Variants in CPEB3 observed in about 807,000 individuals in gnomAD.
CPEB3 encodes cytoplasmic polyadenylation element-binding protein 3.
A neutral mutation model predicts 67.2 loss-of-function variants in CPEB3; 20 were observed. That is an observed-to-expected ratio of 0.30 (90% CI 0.21 to 0.43). The LOEUF (loss-of-function observed/expected upper bound fraction) is 0.43. CPEB3 is among the 20% of genes least tolerant of loss of function. The pLI is 1.00. For synonymous variants in CPEB3, 376 were observed against 393.1 expected (o/e 0.96, Z 0.51); for missense variants, 746 against 968.6 (o/e 0.77, Z 3.05).
intron 6 of CPEB3, chr10:92,118,891 G>A: frequency 1.1e-6 from 1 of 888,144 alleles, no homozygotes. Flanking sequence ...CTGCTTTGAG[G>A]GCAGGGGCCT....
At position 92,231,695 on chromosome 10, in the gene CPEB3, C is replaced by A. The variant is rs775637669; in HGVS notation, c.1005+7651G>T. Among the ~76,000 whole-genome samples, 132 of 152,042 alleles carry A rather than the reference C, an allele frequency of 8.7e-4. 2 individuals are homozygous for A. Among genetic ancestry groups the A allele is most frequent in the Non-Finnish European group, 1.5e-3 (102 of 67,982 alleles). The stretch of plus-strand genomic sequence containing the variant: ...TCTAATTCTCTTTCCTCAGTAAAAC[C>A]CACACAGCTTAATCAACTTTTCTTT... On this transcript the variant is annotated intron_variant, in intron 2 of 9. Transcript: ENST00000265997.
chr10:92,283,714 TTTTC>T (rs1282854685), intron 1 of CPEB3, among the ~76,000 whole-genome samples: 15 of 145,628 alleles, frequency 1.0e-4, no homozygotes, highest in African/African-American at 2.6e-4. Flanking sequence ...TCTTTTTTCT[TTTTC>T]TTTCTTTTTT....
chr10:92,254,457 C>G (rs1447166992), intron 1 of CPEB3, among the ~76,000 whole-genome samples: 1 of 152,038 alleles, frequency 6.6e-6, no homozygotes, highest in East Asian at 1.9e-4. Flanking sequence ...GAAAAGGGAG[C>G]AAAAAGGTAG....
chr10:92,146,046 G>C (rs1314357673), intron 4 of CPEB3, among the ~76,000 whole-genome samples: 1 of 152,108 alleles, frequency 6.6e-6, no homozygotes, highest in Non-Finnish European at 1.5e-5. Context: ...GTATAAATGT[G>C]GATGTGGTTA....
chr10:92,231,806 G>A (rs1293040717), intron 2 of CPEB3, among the ~76,000 whole-genome samples: 3 of 151,342 alleles, frequency 2.0e-5, no homozygotes, highest in African/African-American at 7.3e-5. Context: ...TGCAACCTCC[G>A]CCTCCCGGGT....
intron 6 of CPEB3, among the ~76,000 whole-genome samples, chr10:92,125,755 C>T (rs900250979): frequency 3.3e-5 from 5 of 151,490 alleles, no homozygotes; most frequent in Non-Finnish European, 5.9e-5. Context: ...GGGTCTCACT[C>T]GGTTGCCCAG....
intron 6 of CPEB3, among the ~76,000 whole-genome samples, chr10:92,112,840 T>C (rs1844818337): frequency 6.6e-6 from 1 of 152,198 alleles, no homozygotes; most frequent in African/African-American, 2.4e-5. Context: ...ATCAGAAGAA[T>C]GTAAATGGCA....
At chr10:92,170,656 T>C (rs1847958084) in intron 4 of CPEB3, among the ~76,000 whole-genome samples, 1 of 130,540 alleles carries the variant, frequency 7.7e-6, no homozygotes, top group Non-Finnish European at 1.6e-5. Flanking sequence ...AGATGGAGAA[T>C]GAAAGGAAGG....
chr10:92,177,775 T>C (rs1848288472), intron 4 of CPEB3, among the ~76,000 whole-genome samples: 1 of 152,134 alleles, frequency 6.6e-6, no homozygotes, highest in African/African-American at 2.4e-5. Flanking sequence ...AGCTGGAAAG[T>C]AGTACTGAGA....
At chr10:92,244,018 A>T (rs1161997545) in intron 1 of CPEB3, among the ~76,000 whole-genome samples, 1 of 152,194 alleles carries the variant, frequency 6.6e-6, no homozygotes, top group Non-Finnish European at 1.5e-5. Flanking sequence ...TTCAACTCTT[A>T]TACTAAAATA....
intron 2 of CPEB3, among the ~76,000 whole-genome samples, chr10:92,217,874 T>C (rs1247990136): frequency 6.6e-6 from 1 of 152,226 alleles, no homozygotes; most frequent in African/African-American, 2.4e-5. Context: ...TTCCAGGACT[T>C]TGTGAAACTG....
rs1490868655 is a variant in CPEB3, at chr10:92,050,898, T to C, written c.*1314A>G. On this transcript the variant is annotated 3_prime_UTR_variant, in exon 10 of 10. Coordinates refer to ENST00000265997, the MANE Select transcript of CPEB3 (RefSeq NM_014912.5). Reference sequence around the variant, plus strand: ...AAATGGTGCAAGCACTAAGAGATTGTAACTAAGAGCTCATGTGTTAGTTTA... The same window carrying C: ...AAATGGTGCAAGCACTAAGAGATTGCAACTAAGAGCTCATGTGTTAGTTTA... 6.5e-6 allele frequency: 1 copy of C among 152,710 alleles called. No homozygotes were observed. Among genetic ancestry groups the C allele is most frequent in the Non-Finnish European group, 1.5e-5 (1 of 68,054 alleles). 9.5% of individuals were successfully genotyped at this position (152,710 alleles called of 1,614,324 possible).
rs1379303769 is a variant in CPEB3, at chr10:92,169,949, A to G, written c.1222+11014T>C. ...CATGAAGCATCCAAAGCCCTTCATT[A>G]TTTGGCCCCAACCATCTTTCAGATC... On this transcript the variant is annotated intron_variant, in intron 4 of 9. Transcript: ENST00000265997. 1.3e-5 allele frequency among the ~76,000 whole-genome samples: 2 copies of G among 152,158 alleles called. 1 individual carries two copies.
At chr10:92,174,050 C>T (rs891103870) in intron 4 of CPEB3, among the ~76,000 whole-genome samples, 1 of 152,140 alleles carries the variant, frequency 6.6e-6, no homozygotes, top group Non-Finnish European at 1.5e-5. Flanking sequence ...TTTTATGCTA[C>T]CAAGAAATTA....
chr10:92,058,963 TATC>T (rs1842225924), intron 9 of CPEB3, among the ~76,000 whole-genome samples: 1 of 152,150 alleles, frequency 6.6e-6, no homozygotes, highest in Admixed American at 6.5e-5. Context: ...ATTGAAATAA[TATC>T]AAGCATCTTC....
intron 9 of CPEB3, among the ~76,000 whole-genome samples, chr10:92,073,254 G>A (rs941035320): frequency 6.6e-6 from 1 of 151,894 alleles, no homozygotes; most frequent in Non-Finnish European, 1.5e-5. Flanking sequence ...GTCCAGGCTG[G>A]TCTTGAACTC....
At chr10:92,221,991 G>A (rs550469292) in intron 2 of CPEB3, among the ~76,000 whole-genome samples, 4 of 152,232 alleles carry the variant, frequency 2.6e-5, no homozygotes, top group South Asian at 2.1e-4. Flanking sequence ...ATTGTGAGAA[G>A]TATTAAAATT....
At chr10:92,138,786 T>C (rs1564810838) in intron 6 of CPEB3, among the ~76,000 whole-genome samples, 1 of 152,200 alleles carries the variant, frequency 6.6e-6, no homozygotes, top group Non-Finnish European at 1.5e-5. Context: ...GAGAACAGCA[T>C]GGAGGTTCCT....
chr10:92,075,717 A>G (rs1399315184), intron 9 of CPEB3, among the ~76,000 whole-genome samples: 1 of 152,232 alleles, frequency 6.6e-6, no homozygotes, highest in Non-Finnish European at 1.5e-5. Context: ...CATATTTTCT[A>G]TTCACAAGCA....
Sources: allele counts gnomAD v4.1 joint callset (sites outside exome capture counted in the v4.1 genomes callset), GRCh38; gene constraint gnomAD v4.1.1; transcripts MANE v1.5; gene names NCBI Gene and HGNC (gene_info 2026-07-23, HGNC 2026-07-21).